The following LSAMP variants were observed in gnomAD, a reference collection of about 807,000 sequenced individuals.
LSAMP encodes the protein limbic system associated membrane protein, also known as limbic system-associated membrane protein.
Under a neutral mutation model 38.6 loss-of-function variants are expected in LSAMP, and 7 were observed. The observed-to-expected ratio is 0.18, with a 90% CI of 0.10 to 0.34. LSAMP has a LOEUF of 0.34. Among genes scored for constraint, LSAMP ranks in the 10% least tolerant of loss-of-function variants. LSAMP has a pLI of 1.00. For missense variants in LSAMP, 313 were observed against 420.0 expected, an observed-to-expected ratio of 0.75 and a Z score of 2.23; for synonymous variants, 154 against 166.8, an observed-to-expected ratio of 0.92 and a Z score of 0.59.
intron 2 of LSAMP, among the ~76,000 whole-genome samples, chr3:116,074,555 T>C (rs1200359684): frequency 4.6e-5 from 7 of 152,186 alleles, no homozygotes; most frequent in African/African-American, 1.7e-4. Flanking sequence ...AAAACTTTGA[T>C]AGATATCCCT....
intron 3 of LSAMP, among the ~76,000 whole-genome samples, chr3:115,986,443 G>C (rs1939511172): frequency 6.6e-6 from 1 of 152,040 alleles, no homozygotes; most frequent in African/African-American, 2.4e-5. Context: ...AAAATAATGA[G>C]CCCAGACTAA....
chr3:116,262,672 T>A (rs926548514), intron 1 of LSAMP, among the ~76,000 whole-genome samples: 45 of 152,178 alleles, frequency 3.0e-4, no homozygotes, highest in Admixed American at 2.7e-3. Flanking sequence ...GAAGCTATCA[T>A]TGCACAGAAA....
intron 3 of LSAMP, among the ~76,000 whole-genome samples, chr3:115,906,343 T>C (rs1240358492): frequency 1.3e-5 from 2 of 152,184 alleles, no homozygotes; most frequent in African/African-American, 4.8e-5. Flanking sequence ...TTCTTTTTTA[T>C]TGTTTTTGCA....
At chr3:116,333,578 C>T (rs574363611) in intron 1 of LSAMP, among the ~76,000 whole-genome samples, 43 of 147,288 alleles carry the variant, frequency 2.9e-4, no homozygotes, top group African/African-American at 9.7e-4. Flanking sequence ...CTTTTCTCAA[C>T]GAAATAGATT....
intron 1 of LSAMP, among the ~76,000 whole-genome samples, chr3:116,244,907 A>G (rs943489630): frequency 5.3e-5 from 8 of 152,132 alleles, no homozygotes; most frequent in African/African-American, 1.9e-4. Context: ...TTCCTGAACT[A>G]TTTCAAATGG....
intron 2 of LSAMP, among the ~76,000 whole-genome samples, chr3:116,023,826 A>C (rs887462217): frequency 1.3e-5 from 2 of 152,118 alleles, no homozygotes; most frequent in East Asian, 3.9e-4. Flanking sequence ...CTCCAGCCTC[A>C]TTTCCTACTC....
intron 3 of LSAMP, among the ~76,000 whole-genome samples, chr3:115,948,351 C>G (rs950031567): frequency 7.9e-5 from 12 of 152,142 alleles, no homozygotes; most frequent in Non-Finnish European, 1.6e-4. Context: ...GCACATGGAA[C>G]ATTCTCCAAA....
In LSAMP at chr3:115,805,854, C is replaced by T. The variant is rs1933617577; in HGVS notation, c.*4463G>A. On this transcript the variant is annotated 3_prime_UTR_variant, in exon 7 of 7. Transcript: ENST00000490035. ...TATGCCAACCATGATGGAAAATTTA[C>T]ATCACTGAGGCAAATGCAGTCTTTG... 6.6e-6 allele frequency: 1 copy of T among 152,178 alleles called. No individual in the cohort carries two copies. Among genetic ancestry groups the T allele is most frequent in the Non-Finnish European group, 1.5e-5 (1 of 68,026 alleles). 9.4% of individuals were successfully genotyped at this position (152,178 alleles called of 1,614,324 possible). A position where few individuals can be genotyped will look rare whatever the true frequency, so the allele number is the denominator to read the frequency against.
At chr3:116,302,000 G>C (rs974299782) in intron 1 of LSAMP, among the ~76,000 whole-genome samples, 1 of 152,122 alleles carries the variant, frequency 6.6e-6, no homozygotes, top group Non-Finnish European at 1.5e-5. Flanking sequence ...CTCTAGCTCA[G>C]GTCCTTTTTT....
At chr3:115,898,598 C>CATATATATATATATATATATAT in intron 3 of LSAMP, among the ~76,000 whole-genome samples, 1 of 142,046 alleles carries the variant, frequency 7.0e-6, no homozygotes, top group African/African-American at 2.6e-5. Flanking sequence ...CATGAAGATG[C>CATATATATATATATATATATAT]ATATATATAT....
At chr3:116,444,366 A>ATGTG (rs1165037541) in intron 1 of LSAMP, among the ~76,000 whole-genome samples, 4 of 101,188 alleles carry the variant, frequency 4.0e-5, no homozygotes, top group African/African-American at 8.8e-5. Flanking sequence ...GTGTGTGTGT[A>ATGTG]TGTGTGTGTG....
chr3:116,224,677 G>A (rs534547084), intron 1 of LSAMP, among the ~76,000 whole-genome samples: 2 of 152,216 alleles, frequency 1.3e-5, no homozygotes, highest in Non-Finnish European at 2.9e-5. Flanking sequence ...AGACACCTGA[G>A]AGAAAGGCTT....
At chr3:116,238,786 G>A (rs73861403) in intron 1 of LSAMP, among the ~76,000 whole-genome samples, 379 of 152,146 alleles carry the variant, frequency 2.5e-3, no homozygotes, top group African/African-American at 9.0e-3. Flanking sequence ...ATTCCATATG[G>A]ATTGGTATTT....
intron 1 of LSAMP, among the ~76,000 whole-genome samples, chr3:116,275,173 C>A (rs1430869538): frequency 1.3e-5 from 2 of 152,126 alleles, no homozygotes; most frequent in African/African-American, 4.8e-5. Flanking sequence ...CTGCCTCAGC[C>A]TCCTGCATAG....
In LSAMP at chr3:115,887,354, TTATAA is replaced by T. The variant is rs375599988; in HGVS notation, c.515-34742_515-34738del. On this transcript the variant is annotated intron_variant, in intron 3 of 6. Coordinates refer to ENST00000490035, the MANE Select transcript of LSAMP (RefSeq NM_002338.5). ...TGTAAGAACAGCTGTAATTTTTATC[TTATAA>T]TATGAAATCAAAGTAAAGAAATATT... Among the ~76,000 whole-genome samples, 218 of 152,014 alleles carry T rather than the reference TTATAA, an allele frequency of 1.4e-3. 1 individual carries two copies. Among genetic ancestry groups the T allele is most frequent in the African/African-American group, 5.0e-3 (207 of 41,486 alleles).
At chr3:116,423,285 C>T (rs1302565943) in intron 1 of LSAMP, among the ~76,000 whole-genome samples, 1 of 152,176 alleles carries the variant, frequency 6.6e-6, no homozygotes, top group Non-Finnish European at 1.5e-5. Flanking sequence ...GGAATTCCTT[C>T]CTCAGATCAG....
At chr3:115,857,105 G>C (rs1935530660) in intron 3 of LSAMP, among the ~76,000 whole-genome samples, 1 of 152,176 alleles carries the variant, frequency 6.6e-6, no homozygotes, top group African/African-American at 2.4e-5. Flanking sequence ...CATGTCCTGA[G>C]GAATTATCTG....
rs374542146 is a variant in LSAMP at position 116,164,760 on chromosome 3, A to ATATATT, written c.156-78205_156-78204insAATATA. 9.6e-3 allele frequency among the ~76,000 whole-genome samples: 875 copies of ATATATT among 91,540 alleles called. 87 individuals are homozygous for ATATATT. The highest frequency in any genetic ancestry group is 0.052 in the South Asian group (145 of 2,794). The allele number at this position is 91,540 out of a possible 152,430, so 60.1% of individuals were successfully genotyped here. On this transcript the variant is annotated intron_variant, in intron 1 of 6. Coordinates refer to ENST00000490035, the MANE Select transcript of LSAMP (RefSeq NM_002338.5). ...TATATATCCATATATATATATATAT[A>ATATATT]TTTTTTTTTTTTTTCAAGTAGCATC...
intron 1 of LSAMP, among the ~76,000 whole-genome samples, chr3:116,209,687 T>G (rs1053104869): frequency 6.6e-6 from 1 of 152,136 alleles, no homozygotes; most frequent in Non-Finnish European, 1.5e-5. Flanking sequence ...TTGGCTGGTA[T>G]TTCATCTTTA....
Sources: gnomAD v4.1 joint callset for allele counts (sites outside exome capture counted in the v4.1 genomes callset) on GRCh38, gnomAD v4.1.1 for gene constraint, MANE v1.5 for transcripts, NCBI Gene and HGNC (gene_info 2026-07-23, HGNC 2026-07-21) for gene names.